The following DENND1A variants were observed in gnomAD, a reference collection of about 807,000 sequenced individuals.
DENND1A encodes the protein DENN domain-containing protein 1A.
DENND1A carries 51 observed loss-of-function variants against 113.7 expected under a neutral mutation model. That is an observed-to-expected ratio of 0.45 (90% confidence interval 0.36 to 0.57). The LOEUF is 0.57. Ranked by LOEUF, DENND1A falls within the 20% of genes least tolerant of loss-of-function variation. DENND1A has a pLI of 0.00. For synonymous variants in DENND1A, 565 were observed against 570.8 expected (o/e 0.99, Z 0.14); for missense variants, 1,258 against 1,395.9 (o/e 0.90, Z 1.57).
chr9:123,454,851 T>TC (rs2047997384), intron 15 of DENND1A, 72 bp from the exon 16 acceptor site: 1 of 790,892 alleles, frequency 1.3e-6, no homozygotes, highest in Non-Finnish European at 1.7e-6. Flanking sequence ...TAAAATTGCT[T>TC]TTTTTTTTTT....
intron 10 of DENND1A, among the ~76,000 whole-genome samples, chr9:123,626,266 C>T (rs889506535): frequency 6.6e-6 from 1 of 151,826 alleles, no homozygotes; most frequent in Non-Finnish European, 1.5e-5. Flanking sequence ...TGTGGAAGAC[C>T]CTGAGACATG....
chr9:123,898,674 ATG>A (rs1366336768), intron 1 of DENND1A, among the ~76,000 whole-genome samples: 1 of 152,214 alleles, frequency 6.6e-6, no homozygotes, highest in Non-Finnish European at 1.5e-5. Flanking sequence ...GGCCAAATGC[ATG>A]TGTTTTTTAG....
intron 13 of DENND1A, among the ~76,000 whole-genome samples, chr9:123,474,500 C>T (rs1370610255): frequency 1.3e-5 from 2 of 152,138 alleles, no homozygotes; most frequent in South Asian, 2.1e-4. Context: ...GCTCATGCAG[C>T]GCAGTAGGAA....
intron 5 of DENND1A, among the ~76,000 whole-genome samples, chr9:123,703,967 A>AT (rs1410273422): frequency 6.6e-5 from 10 of 151,952 alleles, no homozygotes; most frequent in Middle Eastern, 3.4e-3. Flanking sequence ...GTAAATATAT[A>AT]TTTTATATTT....
At chr9:123,805,563 A>T (rs1289971775) in intron 2 of DENND1A, among the ~76,000 whole-genome samples, 2 of 151,740 alleles carry the variant, frequency 1.3e-5, no homozygotes, top group African/African-American at 4.8e-5. Flanking sequence ...CCTCCCGAGT[A>T]GTTGGGATTA....
intron 5 of DENND1A, among the ~76,000 whole-genome samples, chr9:123,694,061 C>G (rs1379935101): frequency 2.0e-5 from 3 of 151,578 alleles, no homozygotes; most frequent in Non-Finnish European, 4.4e-5. Context: ...GTCTCGATCT[C>G]TTGACCTTGT....
intron 2 of DENND1A, among the ~76,000 whole-genome samples, chr9:123,877,327 A>G (rs1277296987): frequency 6.6e-6 from 1 of 151,854 alleles, no homozygotes; most frequent in Non-Finnish European, 1.5e-5. Flanking sequence ...GTCTCTACTA[A>G]AAATACAAAA....
intron 4 of DENND1A, among the ~76,000 whole-genome samples, chr9:123,767,064 A>T (rs1324345191): frequency 2.6e-5 from 4 of 152,222 alleles, no homozygotes; most frequent in African/African-American, 9.7e-5. Flanking sequence ...ACAATATCAT[A>T]AACCCATCTA....
intron 10 of DENND1A, among the ~76,000 whole-genome samples, chr9:123,628,433 C>T (rs1482255506): frequency 6.6e-6 from 1 of 151,920 alleles, no homozygotes; most frequent in Non-Finnish European, 1.5e-5. Context: ...GCAGAAGGAG[C>T]AGCCTCACTA....
intron 3 of DENND1A, among the ~76,000 whole-genome samples, chr9:123,791,176 G>A (rs544776891): frequency 4.6e-5 from 7 of 152,162 alleles, no homozygotes; most frequent in Middle Eastern, 3.4e-3. Context: ...GAACTACAAA[G>A]GTTATTTACC....
chr9:123,911,630 A>G (rs1002643279), intron 1 of DENND1A, among the ~76,000 whole-genome samples: 2 of 152,204 alleles, frequency 1.3e-5, no homozygotes, highest in African/African-American at 4.8e-5. Flanking sequence ...GCAAGATTCC[A>G]TTTATATGAA....
intron 5 of DENND1A, among the ~76,000 whole-genome samples, chr9:123,716,425 G>C (rs2066981539): frequency 6.6e-6 from 1 of 152,154 alleles, no homozygotes. Context: ...GACGAAGGAG[G>C]GGGGAACCAA....
chr9:123,586,206 G>C (rs974827264), intron 11 of DENND1A, among the ~76,000 whole-genome samples: 4 of 152,080 alleles, frequency 2.6e-5, no homozygotes, highest in Non-Finnish European at 4.4e-5. Flanking sequence ...AAACAGAAGG[G>C]AGCAGGAGAT....
At chr9:123,703,917 C>T (rs2066026726) in intron 5 of DENND1A, among the ~76,000 whole-genome samples, 2 of 151,896 alleles carry the variant, frequency 1.3e-5, no homozygotes, top group Admixed American at 1.3e-4. Flanking sequence ...TTGTCAAACT[C>T]ATTAAATTGT....
At chr9:123,719,869 T>C (rs1564132438) in intron 5 of DENND1A, among the ~76,000 whole-genome samples, 1 of 152,030 alleles carries the variant, frequency 6.6e-6, no homozygotes, top group African/African-American at 2.4e-5. Flanking sequence ...ACTTGTGGAG[T>C]CATGTCCCTC....
Position 123,583,176 on chromosome 9 carries a change from T to C in DENND1A, c.860A>G (p.Asn287Ser). The C allele has an allele frequency of 6.2e-7, 1 of 1,609,160 alleles. No homozygotes were observed. Among genetic ancestry groups the C allele is most frequent in the Non-Finnish European group, 8.5e-7 (1 of 1,177,136 alleles). The change falls in exon 12 of 24, where the codon AAC becomes AGC. Residue 287 changes from asparagine (N) to serine (S), a missense_variant. Asn to Ser is a conservative substitution (Grantham distance 46, BLOSUM62 1). Coordinates refer to ENST00000394215, the MANE Select transcript of DENND1A (RefSeq NM_001352964.2). ...CGCAAGCTCATTACCTACCACGTCG[T>C]TTGGGAGGCTCTGGAGGTCATCGAA... ...TPFDDLQSLPNDVISSLKNRL... is the reference protein window; with the variant it reads ...TPFDDLQSLPSDVISSLKNRL...
intron 13 of DENND1A, among the ~76,000 whole-genome samples, chr9:123,520,737 T>C (rs1018349323): frequency 1.1e-4 from 16 of 152,216 alleles, no homozygotes; most frequent in Non-Finnish European, 1.9e-4. Context: ...ATCAAGTTCA[T>C]AATCATTTCA....
At chr9:123,906,323 C>T (rs1852825793) in intron 1 of DENND1A, among the ~76,000 whole-genome samples, 1 of 133,730 alleles carries the variant, frequency 7.5e-6, no homozygotes, top group East Asian at 2.0e-4. Flanking sequence ...CAAACACATT[C>T]AAAAGATAGA....
chr9:123,610,430 G>A lies in DENND1A; in HGVS notation c.720-949C>T, dbSNP rs537487413. On this transcript the variant is annotated intron_variant, in intron 10 of 23. Transcript: ENST00000394215. The stretch of plus-strand genomic sequence containing the variant: ...CACTTACCTAATACCACAAAACAAA[G>A]TCAGTGGTAGACCTGGGATTTGATT... 3.3e-5 allele frequency among the ~76,000 whole-genome samples: 5 copies of A among 152,272 alleles called. 1 individual carries two copies. In the South Asian group the frequency reaches 1.0e-3, roughly 32 times the overall value.
Sources: allele counts gnomAD v4.1 joint callset (sites outside exome capture counted in the v4.1 genomes callset), GRCh38; gene constraint gnomAD v4.1.1; transcripts MANE v1.5; gene names NCBI Gene and HGNC (gene_info 2026-07-23, HGNC 2026-07-21).